The following BCAS1 variants were observed in gnomAD, a reference collection of about 807,000 sequenced individuals.
The protein encoded by BCAS1 is breast carcinoma-amplified sequence 1.
Under a neutral mutation model 65.4 loss-of-function variants are expected in BCAS1, and 46 were observed. That is an observed-to-expected ratio of 0.70 (90% CI 0.55 to 0.90). BCAS1 has a LOEUF of 0.90. BCAS1 is among the 40% of genes least tolerant of loss of function. BCAS1 has a pLI of 0.00. For synonymous variants in BCAS1, 298 were observed against 293.5 expected (o/e 1.02, Z -0.16); for missense variants, 793 against 771.2 (o/e 1.03, Z -0.33).
intron 11 of BCAS1, among the ~76,000 whole-genome samples, chr20:53,955,850 A>G (rs567457900): frequency 1.3e-5 from 2 of 152,254 alleles, no homozygotes; most frequent in Non-Finnish European, 2.9e-5. Flanking sequence ...CACCAAGATT[A>G]TTGGCATAAT....
chr20:54,058,863 A>G, intron 1 of BCAS1, 140 bp from the exon 2 acceptor site: 2 of 905,916 alleles, frequency 2.2e-6, no homozygotes, highest in Non-Finnish European at 3.3e-6. Context: ...TGCTTGTATT[A>G]GTCCGTTCTC....
chr20:53,956,815 G>A (rs181909918), intron 11 of BCAS1, among the ~76,000 whole-genome samples: 1 of 152,258 alleles, frequency 6.6e-6, no homozygotes, highest in East Asian at 1.9e-4. Flanking sequence ...AAAAAAGAGT[G>A]CAGCTGCATG....
intron 7 of BCAS1, among the ~76,000 whole-genome samples, chr20:53,986,874 A>C (rs1289287048): frequency 6.6e-6 from 1 of 152,168 alleles, no homozygotes; most frequent in African/African-American, 2.4e-5. Context: ...TAGGCAACAG[A>C]ACAAGACACC....
At chr20:54,064,050 T>G (rs541725437) in intron 1 of BCAS1, among the ~76,000 whole-genome samples, 6 of 152,302 alleles carry the variant, frequency 3.9e-5, no homozygotes, top group African/African-American at 1.2e-4. Context: ...ACTTTGCCAC[T>G]GGGGGTTGAT....
At chr20:54,053,572 T>G (rs2092252670) in intron 3 of BCAS1, among the ~76,000 whole-genome samples, 1 of 152,238 alleles carries the variant, frequency 6.6e-6, no homozygotes, top group South Asian at 2.1e-4. Flanking sequence ...TAACTTCAAA[T>G]AGCAATGGCA....
intron 6 of BCAS1, among the ~76,000 whole-genome samples, chr20:53,993,698 CAT>C (rs2090824766): frequency 6.6e-6 from 1 of 152,188 alleles, no homozygotes; most frequent in African/African-American, 2.4e-5. Flanking sequence ...CAACGCAAGA[CAT>C]AGAACCAAAA....
Position 54,045,137 on chromosome 20 carries a change from T to C in BCAS1, c.142+12948A>G, listed in dbSNP as rs943669248. On this transcript the variant is annotated intron_variant, in intron 3 of 12. Coordinates refer to ENST00000688948, the MANE Select transcript of BCAS1 (RefSeq NM_001366298.2). ...TGAGGCAAGAGGATTCCTTGAGCCC[T>C]GGAGGTCAAGGCTGCAGTGAGTGAT... 6.0e-5 allele frequency among the ~76,000 whole-genome samples: 9 copies of C among 151,102 alleles called. No homozygotes were observed. In the South Asian group the frequency reaches 1.9e-3, roughly 32 times the overall value.
Position 53,944,958 on chromosome 20 carries a change from G to A in BCAS1, c.1854C>T (p.Asp618=), listed in dbSNP as rs1238381162. ...TGCCAACTGGTCCGATGGATACTGGGTCTGTTTGCACTTGAGCATCCAACA... is the reference window on the plus strand; with the variant it reads ...TGCCAACTGGTCCGATGGATACTGGATCTGTTTGCACTTGAGCATCCAACA... The part of the protein sequence containing the change: ...KRMLDAQVQT[D]PVSIGPVGKS... The change falls in exon 13 of 13, where the codon GAC becomes GAT. Residue 618 remains aspartate (D), a synonymous_variant. Coordinates refer to ENST00000688948, the MANE Select transcript of BCAS1 (RefSeq NM_001366298.2). The A allele has an allele frequency of 6.2e-7, 1 of 1,614,078 alleles. No homozygotes were observed. The highest frequency in any genetic ancestry group is 8.5e-7 in the Non-Finnish European group (1 of 1,180,000).
intron 1 of BCAS1, among the ~76,000 whole-genome samples, chr20:54,066,326 C>A (rs577412415): frequency 0.039 from 5,867 of 152,276 alleles, 161 homozygotes; most frequent in Middle Eastern, 0.088. Flanking sequence ...CCCGCCTTGG[C>A]CTCCCAAAGT....
Position 54,041,848 on chromosome 20 carries a change from G to A in BCAS1, c.143-12876C>T, listed in dbSNP as rs549568421. The stretch of plus-strand genomic sequence containing the variant: ...TGGGAGGCAGAGGTTGCAGTGAGCC[G>A]AGATTGTGCCACTGCACTCTAACCT... On this transcript the variant is annotated intron_variant, in intron 3 of 12. Transcript: ENST00000688948. Among the ~76,000 whole-genome samples the A allele has an allele frequency of 1.6e-4, 16 of 97,190 alleles. No homozygotes were observed. The South Asian group carries it at 4.3e-3, about 26-fold the overall frequency. The allele number at this position is 97,190 out of a possible 152,430, so 63.8% of individuals were successfully genotyped here. A position where few individuals can be genotyped will look rare whatever the true frequency, so the allele number is the denominator to read the frequency against.
chr20:53,991,099 G>A (rs1457894902), intron 7 of BCAS1, among the ~76,000 whole-genome samples: 5 of 152,184 alleles, frequency 3.3e-5, no homozygotes, highest in African/African-American at 9.6e-5. Context: ...ATGAAAGGCA[G>A]ATCTGGGGAA....
At chr20:54,012,922 T>C (rs1325482358) in intron 4 of BCAS1, among the ~76,000 whole-genome samples, 1 of 152,254 alleles carries the variant, frequency 6.6e-6, no homozygotes, top group African/African-American at 2.4e-5. Flanking sequence ...GCACTGATTC[T>C]ATCTCCTTTC....
At chr20:53,959,292 T>G (rs1333374360) in intron 10 of BCAS1, among the ~76,000 whole-genome samples, 2 of 151,852 alleles carry the variant, frequency 1.3e-5, no homozygotes, top group Admixed American at 1.3e-4. Context: ...CTCACTCTCT[T>G]GCCCAAGCTG....
intron 10 of BCAS1, among the ~76,000 whole-genome samples, chr20:53,963,148 C>T (rs916247416): frequency 6.6e-6 from 1 of 151,282 alleles, no homozygotes; most frequent in Non-Finnish European, 1.5e-5. Context: ...CCGCGCCTGG[C>T]CTCTATTTTT....
At chr20:54,023,848 T>C (rs2091613211) in intron 4 of BCAS1, among the ~76,000 whole-genome samples, 1 of 152,224 alleles carries the variant, frequency 6.6e-6, no homozygotes, top group African/African-American at 2.4e-5. Flanking sequence ...GTGCCTTTGG[T>C]TATACAACTC....
At chr20:54,063,653 G>A (rs1378893856) in intron 1 of BCAS1, among the ~76,000 whole-genome samples, 1 of 152,144 alleles carries the variant, frequency 6.6e-6, no homozygotes, top group Non-Finnish European at 1.5e-5. Context: ...CTAGGACACA[G>A]GACTCTTATG....
intron 10 of BCAS1, among the ~76,000 whole-genome samples, chr20:53,966,677 T>C (rs1386951284): frequency 6.6e-6 from 1 of 152,234 alleles, no homozygotes; most frequent in African/African-American, 2.4e-5. Flanking sequence ...TAAAAAGTGT[T>C]AGCAGGCATT....
In BCAS1 at chr20:53,967,062, C is replaced by G; in HGVS notation, c.1329G>C (p.Glu443Asp). 2 of 1,605,874 alleles carry G rather than the reference C, an allele frequency of 1.2e-6. No homozygotes were observed. Among genetic ancestry groups the G allele is most frequent in the Non-Finnish European group, 1.7e-6 (2 of 1,177,172 alleles). The change falls in exon 10 of 13, where the codon GAG (glutamate) becomes GAC (aspartate). Residue 443 changes from glutamate (E) to aspartate (D), a missense_variant. Coordinates refer to ENST00000688948, the MANE Select transcript of BCAS1 (RefSeq NM_001366298.2). ...PTGAEENVVC[E>D]SPVEIIKSKE... ...TGGACTTTATAATCTCTACTGGTGA[C>G]TCACACACCACCTGGATTATTTTGC...
Position 54,028,726 on chromosome 20 carries a change from G to A in BCAS1, c.389C>T (p.Ala130Val), listed in dbSNP as rs201121458. Residue 130 changes from alanine (A) to valine (V), a missense_variant, in exon 4 of 13, where the codon GCG becomes GTG. Transcript: ENST00000688948. ...CCAGCTCTCACTTGGGTCTTTGTTC[G>A]CTGGAGCTTTATTGGAGCTGACATC... ...KLDVSSNKAP[A>V]NKDPSESWTL... The A allele has an allele frequency of 1.0e-4, 166 of 1,614,168 alleles. No homozygotes were observed. The East Asian group carries it at 3.1e-3, about 30-fold the overall frequency.
Sources: gnomAD v4.1 joint callset for allele counts (sites outside exome capture counted in the v4.1 genomes callset) on GRCh38, gnomAD v4.1.1 for gene constraint, MANE v1.5 for transcripts, NCBI Gene and HGNC (gene_info 2026-07-23, HGNC 2026-07-21) for gene names.